The following TMEM178B variants were observed in gnomAD, a reference collection of about 807,000 sequenced individuals.
The protein encoded by TMEM178B is transmembrane protein 178B.
TMEM178B carries 5 observed loss-of-function variants against 31.0 expected under a neutral mutation model. The observed-to-expected ratio is 0.16, with a 90% CI of 0.08 to 0.34. TMEM178B has a LOEUF of 0.34. Among genes scored for constraint, TMEM178B ranks in the 10% least tolerant of loss-of-function variants. The pLI, the probability that TMEM178B is intolerant of heterozygous loss-of-function variation, is 1.00. For synonymous variants in TMEM178B, 164 were observed against 164.0 expected (o/e 1.00, Z 0.00); for missense variants, 275 against 400.3 (o/e 0.69, Z 2.67).
chr7:141,494,353 A>G, the TMEM178B span, among the ~76,000 whole-genome samples: 1 of 152,162 alleles, frequency 6.6e-6, no homozygotes, highest in African/African-American at 2.4e-5. Flanking sequence ...GCTTTTTCCT[A>G]TTCCTTTCTT....
rs1341711774 is a variant in TMEM178B at position 141,074,101 on chromosome 7, T to C, written c.-210T>C. The C allele has an allele frequency of 1.6e-6, 1 of 612,668 alleles. No individual in the cohort carries two copies. The highest frequency in any genetic ancestry group is 4.1e-5 in the Admixed American group (1 of 24,114). 38.0% of individuals were successfully genotyped at this position (612,668 alleles called of 1,614,324 possible). A position where few individuals can be genotyped will look rare whatever the true frequency, so the allele number is the denominator to read the frequency against. ...GGATGCCCAGGAGCCCGCGGGAGCC[T>C]CTCCGGATCAGAACTTTTTAGGCCG... is the stretch of plus-strand genomic sequence containing the variant. On this transcript the variant is annotated 5_prime_UTR_variant, in exon 1 of 4. Coordinates refer to ENST00000565468, the MANE Select transcript of TMEM178B (RefSeq NM_001195278.2). This position sits in a 1 kb window ranked among gnomAD's most constrained non-coding sequence, Gnocchi z 5.1.
At chr7:141,388,927 C>T (rs10230811) in intron 2 of TMEM178B, among the ~76,000 whole-genome samples, 12,060 of 152,226 alleles carry the variant, frequency 0.079, 561 homozygotes, top group South Asian at 0.11. Context: ...AACTCATCTG[C>T]ATGAGTAGTA....
chr7:141,278,543 A>G (rs1025079449), intron 2 of TMEM178B, among the ~76,000 whole-genome samples: 2 of 64,372 alleles, frequency 3.1e-5, no homozygotes, highest in Admixed American at 1.5e-4. Flanking sequence ...AGATTGTGCC[A>G]TGGCACCCAG....
At chr7:141,446,317 T>A (rs1801754193) in intron 3 of TMEM178B, among the ~76,000 whole-genome samples, 1 of 152,210 alleles carries the variant, frequency 6.6e-6, no homozygotes, top group South Asian at 2.1e-4. Flanking sequence ...CCAAATCTGG[T>A]CAGCAATTAA....
the TMEM178B span, among the ~76,000 whole-genome samples, chr7:141,494,750 AC>A: frequency 8.5e-5 from 13 of 152,216 alleles, no homozygotes; most frequent in African/African-American, 3.1e-4. Flanking sequence ...AGACAAACAA[AC>A]AAAAAAATTA....
chr7:141,243,229 G>C (rs1797656520), intron 2 of TMEM178B, among the ~76,000 whole-genome samples: 1 of 152,102 alleles, frequency 6.6e-6, no homozygotes, highest in Non-Finnish European at 1.5e-5. Flanking sequence ...TGCGAGGTCA[G>C]CCTGGGACTC....
At chr7:141,176,735 T>C (rs985766779) in intron 1 of TMEM178B, among the ~76,000 whole-genome samples, 3 of 152,252 alleles carry the variant, frequency 2.0e-5, no homozygotes, top group Admixed American at 6.5e-5. Context: ...GATTTTCTGG[T>C]TTATTTGCAT....
rs970609679 is a variant in TMEM178B at position 141,476,465 on chromosome 7, G to A, written c.*5679G>A. 4 of 151,698 alleles carry A rather than the reference G, an allele frequency of 2.6e-5. No homozygotes were observed. Among genetic ancestry groups the A allele is most frequent in the East Asian group, 1.9e-4 (1 of 5,184 alleles). The allele number at this position is 151,698 out of a possible 1,614,324, so 9.4% of individuals were successfully genotyped here. On this transcript the variant is annotated 3_prime_UTR_variant, in exon 4 of 4. Transcript: ENST00000565468. ...TATTTTTTTTTTTAATTCTCCTAAC[G>A]TTATTTCTAGCTGTACATTCCCAAA...
chr7:141,239,109 T>C (rs1442763639), intron 2 of TMEM178B, among the ~76,000 whole-genome samples: 4 of 152,234 alleles, frequency 2.6e-5, no homozygotes, highest in Non-Finnish European at 5.9e-5. Flanking sequence ...ACATCATTGC[T>C]GGGCCTGAAT....
chr7:141,327,343 T>C (rs1799210328), intron 2 of TMEM178B, among the ~76,000 whole-genome samples: 1 of 152,202 alleles, frequency 6.6e-6, no homozygotes, highest in African/African-American at 2.4e-5. Flanking sequence ...AGTTTTAGTT[T>C]CACAGCAAAA....
intron 1 of TMEM178B, among the ~76,000 whole-genome samples, chr7:141,144,411 T>A (rs1329029873): frequency 6.6e-6 from 1 of 152,234 alleles, no homozygotes; most frequent in African/African-American, 2.4e-5. Context: ...ATAAAAAGAA[T>A]AGCTGAGGGC....
At chr7:141,252,946 T>C (rs1387276418) in intron 2 of TMEM178B, among the ~76,000 whole-genome samples, 1 of 152,240 alleles carries the variant, frequency 6.6e-6, no homozygotes, top group African/African-American at 2.4e-5. Context: ...GCTCCCTGGC[T>C]TTCTGCCTTC....
At chr7:141,428,328 G>C (rs574319639) in intron 2 of TMEM178B, among the ~76,000 whole-genome samples, 17 of 137,556 alleles carry the variant, frequency 1.2e-4, no homozygotes, top group African/African-American at 4.4e-4. Context: ...AGATTGTGCC[G>C]TTGCACTCCA....
chr7:141,406,607 G>A (rs1443068941), intron 2 of TMEM178B, among the ~76,000 whole-genome samples: 1 of 152,160 alleles, frequency 6.6e-6, no homozygotes, highest in Admixed American at 6.5e-5. Flanking sequence ...TTCCATAATT[G>A]TGACTAACTC....
intron 1 of TMEM178B, among the ~76,000 whole-genome samples, chr7:141,135,333 A>G (rs1218188423): frequency 3.3e-5 from 5 of 152,220 alleles, no homozygotes; most frequent in Middle Eastern, 3.2e-3. Flanking sequence ...CTAGACAGAA[A>G]ATCAACAAAG....
At chr7:141,114,964 A>G (rs1006139244) in intron 1 of TMEM178B, among the ~76,000 whole-genome samples, 4 of 152,162 alleles carry the variant, frequency 2.6e-5, no homozygotes, top group African/African-American at 9.7e-5. Flanking sequence ...AGAAAGAAAA[A>G]GAGAAGGGCA....
chr7:141,262,707 A>G (rs1470450469), intron 2 of TMEM178B, among the ~76,000 whole-genome samples: 1 of 152,138 alleles, frequency 6.6e-6, no homozygotes, highest in African/African-American at 2.4e-5. Flanking sequence ...CTCAGCCTGA[A>G]CAGTCATTGA....
chr7:141,466,597 T>G (rs1202571667), intron 3 of TMEM178B, among the ~76,000 whole-genome samples: 1 of 152,190 alleles, frequency 6.6e-6, no homozygotes, highest in Non-Finnish European at 1.5e-5. Flanking sequence ...AATTTCTCCA[T>G]TTCTTTAAGT....
intron 2 of TMEM178B, among the ~76,000 whole-genome samples, chr7:141,373,300 G>A (rs1800151388): frequency 6.6e-6 from 1 of 152,206 alleles, no homozygotes. Flanking sequence ...AAGTCTATGA[G>A]ATGTGATCCT....
Sources: gnomAD v4.1 joint callset for allele counts (sites outside exome capture counted in the v4.1 genomes callset) on GRCh38, gnomAD v4.1.1 for gene constraint, Gnocchi (gnomAD v3.1) non-coding constraint, MANE v1.5 for transcripts, NCBI Gene and HGNC (gene_info 2026-07-23, HGNC 2026-07-21) for gene names.